The following DPP6 variants were observed in gnomAD, a reference collection of about 807,000 sequenced individuals.
The protein encoded by DPP6 is dipeptidyl peptidase like 6.
In DPP6, 69 loss-of-function variants were observed where a neutral mutation model predicts 122.6. The ratio of observed to expected loss-of-function variants is 0.56; its 90% CI spans 0.46 to 0.69. The LOEUF is 0.69. Ranked by LOEUF, DPP6 falls within the 30% of genes least tolerant of loss-of-function variation. The pLI, the probability that DPP6 is intolerant of heterozygous loss-of-function variation, is 0.00. For synonymous variants in DPP6, 418 were observed against 433.1 expected (o/e 0.97, Z 0.43); for missense variants, 928 against 1,116.9 (o/e 0.83, Z 2.41).
intron 16 of DPP6, among the ~76,000 whole-genome samples, chr7:154,809,465 G>C (rs1345683037): frequency 6.6e-6 from 1 of 152,194 alleles, no homozygotes; most frequent in Admixed American, 6.5e-5. Context: ...CATCCTTGAA[G>C]TAATCTTTTG....
At chr7:154,173,748 C>T (rs1462491163) in intron 1 of DPP6, among the ~76,000 whole-genome samples, 1 of 152,190 alleles carries the variant, frequency 6.6e-6, no homozygotes, top group Non-Finnish European at 1.5e-5. Flanking sequence ...AACGCAGACT[C>T]ACCCTTTCTG....
At chr7:154,309,816 T>C (rs535108023) in intron 1 of DPP6, among the ~76,000 whole-genome samples, 1 of 152,294 alleles carries the variant, frequency 6.6e-6, no homozygotes, top group South Asian at 2.1e-4. Flanking sequence ...CCTTTTGCAG[T>C]TCAAAAAGGG....
intron 1 of DPP6, among the ~76,000 whole-genome samples, chr7:154,036,023 T>TAC (rs1799506878): frequency 9.7e-6 from 1 of 103,458 alleles, no homozygotes; most frequent in Non-Finnish European, 1.9e-5. Flanking sequence ...CGCGCGCTTG[T>TAC]GTGTGTGTGT....
At chr7:154,742,030 C>T (rs1001831878) in intron 8 of DPP6, among the ~76,000 whole-genome samples, 10 of 152,326 alleles carry the variant, frequency 6.6e-5, no homozygotes, top group African/African-American at 1.7e-4. Context: ...CCCTTCTGGG[C>T]GCCCAGATTG....
chr7:154,310,831 C>T (rs913853450), intron 1 of DPP6, among the ~76,000 whole-genome samples: 8 of 152,116 alleles, frequency 5.3e-5, no homozygotes, highest in Admixed American at 4.6e-4. Context: ...GAACGGTCAC[C>T]GTCTCTGCCT....
intron 1 of DPP6, among the ~76,000 whole-genome samples, chr7:154,420,500 T>C (rs1817380904): frequency 6.6e-6 from 1 of 152,086 alleles, no homozygotes; most frequent in Admixed American, 6.5e-5. Flanking sequence ...TGCCAGGCAC[T>C]GGGAGGAGGG....
intron 3 of DPP6, among the ~76,000 whole-genome samples, chr7:154,514,754 T>C (rs1340973462): frequency 6.6e-6 from 1 of 152,248 alleles, no homozygotes; most frequent in East Asian, 1.9e-4. Context: ...TTCCATTATA[T>C]AGACAGACAA....
chr7:154,425,308 C>T (rs759214624), intron 1 of DPP6, among the ~76,000 whole-genome samples: 2 of 152,186 alleles, frequency 1.3e-5, no homozygotes, highest in Non-Finnish European at 2.9e-5. Context: ...AAATTAGATA[C>T]TCCTAAAGTG....
intron 8 of DPP6, among the ~76,000 whole-genome samples, chr7:154,746,614 C>T (rs912833517): frequency 5.3e-5 from 8 of 152,190 alleles, no homozygotes; most frequent in African/African-American, 1.9e-4. Flanking sequence ...TTGCTTTGGA[C>T]CACAATCACC....
At chr7:154,556,417 T>G (rs1830045349) in intron 4 of DPP6, among the ~76,000 whole-genome samples, 1 of 152,138 alleles carries the variant, frequency 6.6e-6, no homozygotes, top group Admixed American at 6.5e-5. Flanking sequence ...GCTTCCAATA[T>G]AAACAAGTAT....
At chr7:154,041,057 A>G (rs1426666266) in intron 1 of DPP6, among the ~76,000 whole-genome samples, 4 of 152,120 alleles carry the variant, frequency 2.6e-5, no homozygotes, top group African/African-American at 9.7e-5. Context: ...TTGCTAAAGC[A>G]TTATTTCTCT....
chr7:154,098,637 AC>A (rs1805509377), intron 1 of DPP6, among the ~76,000 whole-genome samples: 1 of 151,462 alleles, frequency 6.6e-6, no homozygotes, highest in African/African-American at 2.5e-5. Flanking sequence ...TCTGCTTGCC[AC>A]AGGGTGATGT....
chr7:154,112,214 TC>T (rs1806641514), intron 1 of DPP6, among the ~76,000 whole-genome samples: 1 of 152,028 alleles, frequency 6.6e-6, no homozygotes, highest in South Asian at 2.1e-4. Flanking sequence ...ACTTTACAAT[TC>T]CCATCACACA....
rs142045024 is a variant in DPP6, at chr7:154,718,338, G to A, written c.763-9429G>A. Reference sequence around the variant, plus strand: ...AAATCCTTGCCCAGACTAATGACACGAAGTATTTCCACTGTGCTTTCTTCT... The same window carrying A: ...AAATCCTTGCCCAGACTAATGACACAAAGTATTTCCACTGTGCTTTCTTCT... On this transcript the variant is annotated intron_variant, in intron 7 of 25. Coordinates refer to ENST00000377770, the MANE Select transcript of DPP6 (RefSeq NM_130797.4). Among the ~76,000 whole-genome samples the A allele has an allele frequency of 1.3e-3, 196 of 152,192 alleles. 2 individuals carry two copies. The highest frequency in any genetic ancestry group is 3.9e-3 in the East Asian group (20 of 5,170).
intron 16 of DPP6, among the ~76,000 whole-genome samples, chr7:154,810,925 A>C (rs530235270): frequency 6.6e-6 from 1 of 152,364 alleles, no homozygotes; most frequent in East Asian, 1.9e-4. Context: ...AATAGATCTC[A>C]GAGCATCTAA....
At position 154,061,859 on chromosome 7, in the gene DPP6, G is replaced by C. The variant is rs1234615145; in HGVS notation, c.243+8796G>C. On this transcript the variant is annotated intron_variant, in intron 1 of 25. Transcript: ENST00000377770. ...GCTCTTAGGATCCCCATCGCTGGGG[G>C]CGGAGGCACCCCCCGCGAGGCAGGG... Among the ~76,000 whole-genome samples, 2 of 132,766 alleles carry C rather than the reference G, an allele frequency of 1.5e-5. 1 individual carries two copies. The highest frequency in any genetic ancestry group is 5.7e-5 in the African/African-American group (2 of 35,180). The allele number at this position is 132,766 out of a possible 152,430, so 87.1% of individuals were successfully genotyped here.
At chr7:154,363,580 A>G (rs769890357) in intron 1 of DPP6, among the ~76,000 whole-genome samples, 1 of 152,132 alleles carries the variant, frequency 6.6e-6, no homozygotes. Flanking sequence ...TGTGGCCCCC[A>G]TGGGTGATTG....
intron 1 of DPP6, among the ~76,000 whole-genome samples, chr7:154,081,030 T>C (rs1043859069): frequency 2.0e-5 from 3 of 152,078 alleles, no homozygotes; most frequent in Admixed American, 6.5e-5. Flanking sequence ...CTTGGAAATT[T>C]TGCAAATAAG....
chr7:154,286,744 C>T (rs1435837505), intron 1 of DPP6, among the ~76,000 whole-genome samples: 1 of 151,506 alleles, frequency 6.6e-6, no homozygotes, highest in Non-Finnish European at 1.5e-5. Context: ...TCTTCCTGGC[C>T]TCCCTGGGGC....
Sources: gnomAD v4.1 joint callset for allele counts (sites outside exome capture counted in the v4.1 genomes callset) on GRCh38, gnomAD v4.1.1 for gene constraint, MANE v1.5 for transcripts, NCBI Gene and HGNC (gene_info 2026-07-23, HGNC 2026-07-21) for gene names.